The following ADGRB3 variants were observed in gnomAD, a reference collection of about 807,000 sequenced individuals.
ADGRB3 encodes brain-specific angiogenesis inhibitor 3.
Under a neutral mutation model 193.4 loss-of-function variants are expected in ADGRB3, and 37 were observed. The observed-to-expected ratio is 0.19, with a 90% confidence interval of 0.15 to 0.25. The LOEUF is 0.25. Among genes scored for constraint, ADGRB3 ranks in the 10% least tolerant of loss-of-function variants. The probability of loss-of-function intolerance (pLI) is 1.00; values close to 1 mark genes in which losing one functional copy is unlikely to be tolerated. For synonymous variants in ADGRB3, 690 were observed against 644.2 expected (o/e 1.07, Z -1.08); for missense variants, 1,637 against 1,852.9 (o/e 0.88, Z 2.14).
intron 3 of ADGRB3, among the ~76,000 whole-genome samples, chr6:68,732,221 T>C (rs895598477): frequency 6.6e-6 from 1 of 151,898 alleles, no homozygotes; most frequent in African/African-American, 2.4e-5. Context: ...GTTTATTACA[T>C]AGATAAACTG....
intron 3 of ADGRB3, among the ~76,000 whole-genome samples, chr6:68,774,158 T>A: frequency 6.6e-6 from 1 of 152,226 alleles, no homozygotes; most frequent in East Asian, 1.9e-4. Flanking sequence ...AATGTTATTT[T>A]TTTTTTTAGA....
chr6:69,315,590 G>A (rs1351602189), intron 20 of ADGRB3, among the ~76,000 whole-genome samples: 1 of 151,378 alleles, frequency 6.6e-6, no homozygotes, highest in Non-Finnish European at 1.5e-5. Context: ...AGTTATTAGT[G>A]CAGCTTTTAA....
At chr6:68,927,175 T>C (rs1767205321) in intron 3 of ADGRB3, among the ~76,000 whole-genome samples, 1 of 152,218 alleles carries the variant, frequency 6.6e-6, no homozygotes, top group South Asian at 2.1e-4. Flanking sequence ...ACATACATAA[T>C]GTTATGCTAT....
intron 13 of ADGRB3, among the ~76,000 whole-genome samples, chr6:69,040,466 G>A (rs150661334): frequency 1.2e-3 from 182 of 151,096 alleles, no homozygotes; most frequent in African/African-American, 4.0e-3. Context: ...GTGGCTGCAT[G>A]CCAATAAAAC....
chr6:68,915,188 C>CA (rs756453597), intron 3 of ADGRB3, among the ~76,000 whole-genome samples: 15 of 152,050 alleles, frequency 9.9e-5, no homozygotes, highest in Admixed American at 2.0e-4. Context: ...TTTTGAGTCC[C>CA]AGATCCAGCA....
intron 3 of ADGRB3, among the ~76,000 whole-genome samples, chr6:68,888,542 TACACACACACAC>T (rs5877179): frequency 2.1e-5 from 3 of 146,174 alleles, no homozygotes; most frequent in East Asian, 2.0e-4. Flanking sequence ...GGGTAATAGA[TACACACACACAC>T]ACACACACAC....
chr6:68,766,532 A>G (rs2127353792), intron 3 of ADGRB3, among the ~76,000 whole-genome samples: 1 of 152,074 alleles, frequency 6.6e-6, no homozygotes, highest in South Asian at 2.1e-4. Context: ...AAAATGGCAT[A>G]TTATTTTTGC....
At chr6:68,884,569 T>C (rs1232086773) in intron 3 of ADGRB3, among the ~76,000 whole-genome samples, 1 of 152,072 alleles carries the variant, frequency 6.6e-6, no homozygotes, top group Non-Finnish European at 1.5e-5. Context: ...ACCCAGAGTT[T>C]AGGACATGGT....
At chr6:68,857,396 T>G (rs1401541733) in intron 3 of ADGRB3, among the ~76,000 whole-genome samples, 1 of 152,218 alleles carries the variant, frequency 6.6e-6, no homozygotes, top group Non-Finnish European at 1.5e-5. Flanking sequence ...AGGAGCAGAC[T>G]GCCCAAGACT....
chr6:69,077,593 T>G (rs1772269600), intron 17 of ADGRB3, among the ~76,000 whole-genome samples: 1 of 151,992 alleles, frequency 6.6e-6, no homozygotes, highest in African/African-American at 2.4e-5. Context: ...TGGCTACTTT[T>G]CATAGACAGT....
chr6:69,148,777 C>T (rs1406177987), intron 17 of ADGRB3, among the ~76,000 whole-genome samples: 1 of 152,098 alleles, frequency 6.6e-6, no homozygotes, highest in African/African-American at 2.4e-5. Flanking sequence ...ATTTCTTCTT[C>T]ATGTTTGAAG....
chr6:68,841,906 C>A (rs523137), intron 3 of ADGRB3, among the ~76,000 whole-genome samples: 2 of 150,204 alleles, frequency 1.3e-5, no homozygotes, highest in Non-Finnish European at 3.0e-5. Context: ...AGTGGGATTG[C>A]TTAATTGGTA....
At chr6:68,805,897 T>G (rs918506153) in intron 3 of ADGRB3, among the ~76,000 whole-genome samples, 1 of 152,246 alleles carries the variant, frequency 6.6e-6, no homozygotes, top group Non-Finnish European at 1.5e-5. Flanking sequence ...TATTAAAAAG[T>G]TAAGATGCAT....
At position 69,239,110 on chromosome 6, in the gene ADGRB3, C is replaced by G. The variant is rs755751711; in HGVS notation, c.2712-14C>G. The G allele has an allele frequency of 2.0e-6, 3 of 1,500,334 alleles. No individual in the cohort carries two copies. The highest frequency in any genetic ancestry group is 3.6e-5 in the Admixed American group (2 of 55,622). 92.9% of individuals were successfully genotyped at this position (1,500,334 alleles called of 1,614,324 possible). On this transcript the variant is annotated splice_polypyrimidine_tract_variant and intron_variant, in intron 19 of 31. Coordinates refer to ENST00000370598, the MANE Select transcript of ADGRB3 (RefSeq NM_001704.3). ...TGGATTTTAAAGTTGGGTAACTTTT[C>G]TCTCTCTGGCTAGGTACATACGCTC...
At chr6:69,191,276 G>A (rs909068103) in intron 17 of ADGRB3, among the ~76,000 whole-genome samples, 1 of 151,844 alleles carries the variant, frequency 6.6e-6, no homozygotes, top group African/African-American at 2.4e-5. Context: ...ATCAATATCA[G>A]CAACTTCAGA....
intron 17 of ADGRB3, among the ~76,000 whole-genome samples, chr6:69,095,494 A>G (rs766808255): frequency 2.6e-5 from 4 of 152,186 alleles, no homozygotes; most frequent in Non-Finnish European, 5.9e-5. Context: ...AGTTAGTGAA[A>G]ATAATGAAAA....
intron 20 of ADGRB3, among the ~76,000 whole-genome samples, chr6:69,256,855 G>C (rs1481655180): frequency 1.3e-5 from 2 of 152,140 alleles, no homozygotes; most frequent in African/African-American, 4.8e-5. Context: ...ATAGATAGCT[G>C]TTATTATTTT....
intron 3 of ADGRB3, among the ~76,000 whole-genome samples, chr6:68,713,753 ACTCT>A (rs575730770): frequency 3.0e-4 from 44 of 149,016 alleles, no homozygotes; most frequent in Admixed American, 1.7e-3. Flanking sequence ...TTTACTCACA[ACTCT>A]CTCTATCTTT....
intron 17 of ADGRB3, among the ~76,000 whole-genome samples, chr6:69,215,117 T>A (rs1765749311): frequency 6.6e-6 from 1 of 152,066 alleles, no homozygotes; most frequent in South Asian, 2.1e-4. Flanking sequence ...GATTGGACAT[T>A]GAGGAGATAA....
Sources: gnomAD v4.1 joint callset for allele counts (sites outside exome capture counted in the v4.1 genomes callset) on GRCh38, gnomAD v4.1.1 for gene constraint, MANE v1.5 for transcripts, NCBI Gene and HGNC (gene_info 2026-07-23, HGNC 2026-07-21) for gene names.